Variants in ZNF142 observed in about 807,000 individuals in gnomAD.
ZNF142 encodes zinc finger protein 142 (clone pHZ-49).
Under a neutral mutation model 132.1 loss-of-function variants are expected in ZNF142, and 96 were observed. That is an observed-to-expected ratio of 0.73 (90% confidence interval 0.62 to 0.86). ZNF142 has a LOEUF of 0.86. Ranked by LOEUF, ZNF142 falls within the 40% of genes least tolerant of loss-of-function variation. The pLI, the probability that ZNF142 is intolerant of heterozygous loss-of-function variation, is 0.00. For synonymous variants in ZNF142, 842 were observed against 890.1 expected, an observed-to-expected ratio of 0.95 and a Z score of 0.96; for missense variants, 2,163 against 2,336.2, an observed-to-expected ratio of 0.93 and a Z score of 1.53.
At position 218,634,943 on chromosome 2, in the gene ZNF142, G is replaced by A. The variant is rs1280772666; in HGVS notation, c.*3396C>T. Among the ~76,000 whole-genome samples, 1 of 152,170 alleles carries A rather than the reference G, an allele frequency of 6.6e-6. No individual in the cohort carries two copies. The highest frequency in any genetic ancestry group is 1.5e-5 in the Non-Finnish European group (1 of 68,046). ...TTACAATTCCTGGCACACAGGAAGT[G>A]CTATAAAAGAGGCTGGCTGGGAGCG... On this transcript the variant is annotated 3_prime_UTR_variant, in exon 11 of 11. Coordinates refer to ENST00000411696, the MANE Select transcript of ZNF142 (RefSeq NM_001379659.1). The surrounding 1 kb of genome is among the most constrained non-coding windows in gnomAD (Gnocchi z 4.0).
intron 9 of ZNF142, among the ~76,000 whole-genome samples, chr2:218,641,742 CT>C (rs1697212777): frequency 6.6e-6 from 1 of 152,070 alleles, no homozygotes; most frequent in Non-Finnish European, 1.5e-5. Flanking sequence ...TCTCGCTCTG[CT>C]GCCGAGTGGT....
Position 218,634,373 on chromosome 2 carries a change from A to G in ZNF142, c.*3966T>C, listed in dbSNP as rs1486899739. On this transcript the variant is annotated 3_prime_UTR_variant, in exon 11 of 11. Transcript: ENST00000411696. This position sits in a 1 kb window ranked among gnomAD's most constrained non-coding sequence, Gnocchi z 4.0. The stretch of plus-strand genomic sequence containing the variant: ...TATTACCAGCAGGTACCGTGCACCC[A>G]GTACCTATCTTCTTAACTCCCTGAA... 2 of 1,560,210 alleles carry G rather than the reference A, an allele frequency of 1.3e-6. No individual in the cohort carries two copies. The highest frequency in any genetic ancestry group is 1.7e-6 in the Non-Finnish European group (2 of 1,145,564).
intron 5 of ZNF142, among the ~76,000 whole-genome samples, chr2:218,650,851 A>T (rs1937917131): frequency 6.6e-6 from 1 of 152,150 alleles, no homozygotes; most frequent in South Asian, 2.1e-4. Flanking sequence ...CTCTTATCAG[A>T]ATTCTGGCCT....
Position 218,656,179 on chromosome 2 carries a change from A to G in ZNF142, c.251T>C (p.Leu84Pro). ...EIIVETVAGT[L>P]TPGAPGETPG... ...GGTCTCTCCAGGAGCACCTGGGGTC[A>G]GGGTTCCAGCTACTGTCTCCACAAT... Residue 84 changes from leucine to proline, a missense_variant, in exon 4 of 11, where the codon CTG becomes CCG. Around this residue, in one of 7 missense-constraint regions of ZNF142, gnomAD observed 195 missense variants for 172.4 expected, o/e 1.13. Transcript: ENST00000411696. 6.2e-7 allele frequency: 1 copy of G among 1,604,040 alleles called. No homozygotes were observed. The highest frequency in any genetic ancestry group is 1.1e-5 in the South Asian group (1 of 89,444).
chr2:218,651,830 G>A lies in ZNF142; in HGVS notation c.751C>T (p.His251Tyr), dbSNP rs1005636262. ...CCTATGAAGCTGCAGTGGCTGCAGT[G>A]GAAAGGGTAATGCGCCTGCCGGTGC... ...ELHRQAHYPF[H>Y]CSHCSFIGSN... Residue 251 changes from histidine to tyrosine, a missense_variant, in exon 5 of 11, where the codon CAC becomes TAC. His to Tyr is a moderately conservative substitution (Grantham distance 83, BLOSUM62 2). Transcript: ENST00000411696. The A allele has an allele frequency of 9.3e-6, 12 of 1,289,906 alleles. No homozygotes were observed. The African/African-American group carries it at 1.5e-4, about 16-fold the overall frequency. The allele number at this position is 1,289,906 out of a possible 1,614,324, so 79.9% of individuals were successfully genotyped here. A position where few individuals can be genotyped will look rare whatever the true frequency, so the allele number is the denominator to read the frequency against.
In ZNF142 at chr2:218,643,808, T is replaced by A; in HGVS notation, c.3308A>T (p.Asp1103Val). The part of the protein sequence containing the change: ...LRKNKGLPRP[D>V]SPIPLQPVLP... ...CACAGGTTGCAGAGGGATGGGTGAA[T>A]CTGGTCTGGGCAAGCCCTTGTTCTT... The change falls in exon 9 of 11, where the codon GAT (aspartate) becomes GTT (valine). Residue 1103 changes from aspartate (D) to valine (V), a missense_variant. Physicochemically the swap from Asp to Val is radical, Grantham distance 152. Transcript: ENST00000411696. 3 of 1,611,730 alleles carry A rather than the reference T, an allele frequency of 1.9e-6. No homozygotes were observed. Among genetic ancestry groups the A allele is most frequent in the Non-Finnish European group, 2.5e-6 (3 of 1,178,440 alleles).
chr2:218,642,018 C>G lies in ZNF142; in HGVS notation c.5088+10G>C, dbSNP rs576599067. On this transcript the variant is annotated intron_variant, in intron 9 of 10. Coordinates refer to ENST00000411696, the MANE Select transcript of ZNF142 (RefSeq NM_001379659.1). The surrounding 1 kb of genome is among the most constrained non-coding windows in gnomAD (Gnocchi z 4.6). ...CCTTCCACTTCCTGCCCCATATCCT[C>G]TGACATTACCTTGAGACGAGAGGGA... 9.5e-5 allele frequency: 153 copies of G among 1,610,956 alleles called. No homozygotes were observed. The East Asian group carries it at 3.2e-3, about 34-fold the overall frequency.
At chr2:218,658,541 C>CAAA (rs58087956) in intron 3 of ZNF142, among the ~76,000 whole-genome samples, 160 bp downstream of exon 3, 9 of 145,012 alleles carry the variant, frequency 6.2e-5, no homozygotes, top group African/African-American at 2.0e-4. Flanking sequence ...AACTCCGTCT[C>CAAA]AAAAAAAAAA....
At position 218,643,042 on chromosome 2, in the gene ZNF142, G is replaced by A. The variant is rs763855637; in HGVS notation, c.4074C>T (p.His1358=). ...TALRLHQKRR[H]PTAAPARGPR... is the part of the protein sequence containing the mutation. Reference sequence around the variant, plus strand: ...GCCCACGGGCTGGGGCTGCAGTGGGGTGCCTCCGCTTCTGGTGGAGCCTTA... The same window carrying A: ...GCCCACGGGCTGGGGCTGCAGTGGGATGCCTCCGCTTCTGGTGGAGCCTTA... The change falls in exon 9 of 11, where the codon CAC becomes CAT. Residue 1358 remains histidine, a synonymous_variant. Coordinates refer to ENST00000411696, the MANE Select transcript of ZNF142 (RefSeq NM_001379659.1). 6.3e-7 allele frequency: 1 copy of A among 1,598,216 alleles called. No homozygotes were observed. The highest frequency in any genetic ancestry group is 1.1e-5 in the South Asian group (1 of 89,804).
chr2:218,633,838 C>A lies in ZNF142; in HGVS notation c.*4501G>T. The A allele has an allele frequency of 6.5e-7, 1 of 1,528,772 alleles. No individual in the cohort carries two copies. Among genetic ancestry groups the A allele is most frequent in the South Asian group, 1.2e-5 (1 of 86,942 alleles). 94.7% of individuals were successfully genotyped at this position (1,528,772 alleles called of 1,614,324 possible). ...GCCTGATGGACTGGCAGGTAAGTCC[C>A]AAGAAAAAAGACAAGGTAGCTAAGG... On this transcript the variant is annotated 3_prime_UTR_variant, in exon 11 of 11. Transcript: ENST00000411696.
At chr2:218,649,489 A>G in intron 6 of ZNF142, 30 bp from the exon 7 acceptor site, 1 of 1,507,894 alleles carries the variant, frequency 6.6e-7, no homozygotes, top group Non-Finnish European at 8.9e-7. Context: ...GAGTTGAGAG[A>G]GTGAGATTTT....
Position 218,646,329 on chromosome 2 carries a change from AC to A in ZNF142, c.1892del (p.Cys631LeufsTer11), listed in dbSNP as rs1559296368. ...LLHTGEKPHK[C>X]ELCDFTCRDV... ...CTCGGCATGTGAAGTCACACAGCTC[AC>A]ACTTGTGGGGCTTCTCACCTTATAT... On this transcript the variant is annotated frameshift_variant, in exon 8 of 11. Transcript: ENST00000411696. LOFTEE classifies it high-confidence loss of function. 6.2e-7 allele frequency: 1 copy of A among 1,613,784 alleles called. No individual in the cohort carries two copies. Among genetic ancestry groups the A allele is most frequent in the Non-Finnish European group, 8.5e-7 (1 of 1,179,686 alleles).
intron 4 of ZNF142, among the ~76,000 whole-genome samples, chr2:218,655,586 C>T (rs1938408331): frequency 6.6e-6 from 1 of 152,146 alleles, no homozygotes; most frequent in Admixed American, 6.6e-5. Context: ...AACTCCTGGG[C>T]TCAAGCAATC....
At chr2:218,648,302 G>C (rs1283946203) in intron 7 of ZNF142, among the ~76,000 whole-genome samples, 3 of 152,210 alleles carry the variant, frequency 2.0e-5, no homozygotes, top group Non-Finnish European at 4.4e-5. Context: ...GCAAAGTAAG[G>C]TATTTGTCCT....
Position 218,643,182 on chromosome 2 carries a change from T to C in ZNF142, c.3934A>G (p.Ser1312Gly). Residue 1312 changes from serine (S) to glycine (G), a missense_variant, in exon 9 of 11, where the codon AGC (serine) becomes GGC (glycine). Physicochemically the swap from Ser to Gly is moderately conservative, Grantham distance 56. Around this residue, in one of 7 missense-constraint regions of ZNF142, gnomAD observed 809 missense variants for 801.7 expected, o/e 1.01. Transcript: ENST00000411696. ...CTCAGAGCCCGTTCCTGCTGGCAGC[T>C]AAAGGGACATGTAGGGCAGGAGAAG... is the stretch of plus-strand genomic sequence containing the variant. The part of the protein sequence containing the change: ...ARFSCPTCPF[S>G]CQQERALRTH... The C allele has an allele frequency of 6.2e-7, 1 of 1,614,232 alleles. No individual in the cohort carries two copies. The highest frequency in any genetic ancestry group is 1.7e-5 in the Admixed American group (1 of 60,026).
Position 218,643,980 on chromosome 2 carries a change from G to A in ZNF142, c.3136C>T (p.Arg1046Cys), listed in dbSNP as rs780292909. 26 of 1,614,032 alleles carry A rather than the reference G, an allele frequency of 1.6e-5. No individual in the cohort carries two copies. The highest frequency in any genetic ancestry group is 8.3e-5 in the Admixed American group (5 of 60,004). The change falls in exon 9 of 11, where the codon CGC (arginine) becomes TGC (cysteine). Residue 1046 changes from arginine (R) to cysteine (C), a missense_variant. Physicochemically the swap from Arg to Cys is radical, Grantham distance 180. Around this residue, in one of 7 missense-constraint regions of ZNF142, gnomAD observed 809 missense variants for 801.7 expected, o/e 1.01. Coordinates refer to ENST00000411696, the MANE Select transcript of ZNF142 (RefSeq NM_001379659.1). ...TGCAGATTCAGGGCCTTCTCCCGGC[G>A]AGTGATAAAAGGGCAGTGTGGGCAG... ...FRCPHCPFIT[R>C]REKALNLHSR...
At position 218,634,403 on chromosome 2, in the gene ZNF142, G is replaced by C; in HGVS notation, c.*3936C>G. The C allele has an allele frequency of 6.3e-7, 1 of 1,584,758 alleles. No homozygotes were observed. Among genetic ancestry groups the C allele is most frequent in the Non-Finnish European group, 8.6e-7 (1 of 1,164,594 alleles). On this transcript the variant is annotated 3_prime_UTR_variant, in exon 11 of 11. Transcript: ENST00000411696. This position sits in a 1 kb window ranked among gnomAD's most constrained non-coding sequence, Gnocchi z 4.0. ...CTATCTTCTTAACTCCCTGAAAGAGGGGCTGGAAGGCCTCCATGGTGAATC... is the reference window on the plus strand; with the variant it reads ...CTATCTTCTTAACTCCCTGAAAGAGCGGCTGGAAGGCCTCCATGGTGAATC...
chr2:218,651,866 C>T lies in ZNF142; in HGVS notation c.715G>A (p.Gly239Ser). 7.8e-7 allele frequency: 1 copy of T among 1,289,902 alleles called. No homozygotes were observed. The highest frequency in any genetic ancestry group is 1.0e-6 in the Non-Finnish European group (1 of 988,892). 79.9% of individuals were successfully genotyped at this position (1,289,902 alleles called of 1,614,324 possible). A position where few individuals can be genotyped will look rare whatever the true frequency, so the allele number is the denominator to read the frequency against. Residue 239 changes from glycine to serine, a missense_variant, in exon 5 of 11, where the codon GGC becomes AGC. Physicochemically the swap from Gly to Ser is moderately conservative, Grantham distance 56. Coordinates refer to ENST00000411696, the MANE Select transcript of ZNF142 (RefSeq NM_001379659.1). ...TGCGCCTGCCGGTGCAGCTCCATGC[C>T]CTGCTGGCTCCCGAAAAGCAGGGGG... is the stretch of plus-strand genomic sequence containing the variant. ...GCPLLFGSQQ[G>S]MELHRQAHYP... is the part of the protein sequence containing the mutation.
At position 218,636,339 on chromosome 2, in the gene ZNF142, C is replaced by A. The variant is rs745832998; in HGVS notation, c.*2000G>T. The A allele has an allele frequency of 1.2e-6, 2 of 1,613,978 alleles. No individual in the cohort carries two copies. Among genetic ancestry groups the A allele is most frequent in the East Asian group, 4.5e-5 (2 of 44,880 alleles). On this transcript the variant is annotated 3_prime_UTR_variant, in exon 11 of 11. Transcript: ENST00000411696. ...GTGGTAATGGATTATGACTGGAAAT[C>A]CCGAAATGACTTTATTGGTCAGTAC...
Sources: gnomAD v4.1 joint callset for allele counts (sites outside exome capture counted in the v4.1 genomes callset) on GRCh38, gnomAD v4.1.1 for gene constraint, gnomAD v4.1.1 regional missense constraint, Gnocchi (gnomAD v3.1) non-coding constraint, MANE v1.5 for transcripts, NCBI Gene and HGNC (gene_info 2026-07-23, HGNC 2026-07-21) for gene names.